The following RAB11FIP5 variants were observed in gnomAD, a reference collection of about 807,000 sequenced individuals.
RAB11FIP5 encodes the protein rab11 family-interacting protein 5.
A neutral mutation model predicts 85.1 loss-of-function variants in RAB11FIP5; 48 were observed. That is an observed-to-expected ratio of 0.56 (90% CI 0.45 to 0.72). The LOEUF (loss-of-function observed/expected upper bound fraction) is 0.72, where lower values mean the gene tolerates loss of function less well. Among genes scored for constraint, RAB11FIP5 ranks in the 30% least tolerant of loss-of-function variants. The pLI, the probability that RAB11FIP5 is intolerant of heterozygous loss-of-function variation, is 0.00. For synonymous variants in RAB11FIP5, 729 were observed against 727.3 expected, an observed-to-expected ratio of 1.00 and a Z score of -0.04; for missense variants, 1,491 against 1,687.0, an observed-to-expected ratio of 0.88 and a Z score of 2.04.
rs372287295 is a variant in RAB11FIP5 at position 73,075,429 on chromosome 2, C to T, written c.*92G>A. On this transcript the variant is annotated 3_prime_UTR_variant, in exon 6 of 6. Transcript: ENST00000486777. The surrounding 1 kb of genome is among the most constrained non-coding windows in gnomAD (Gnocchi z 4.6). ...GCAAGGAGTGACAAGGCAAGACAGA[C>T]GATGCCCCACTGCAGATGAGAGAGT... 3.4e-5 allele frequency: 43 copies of T among 1,281,740 alleles called. No homozygotes were observed. In the Admixed American group the frequency reaches 6.4e-4, roughly 19 times the overall value. The allele number at this position is 1,281,740 out of a possible 1,614,324, so 79.4% of individuals were successfully genotyped here.
chr2:73,097,213 T>C lies in RAB11FIP5; in HGVS notation c.432-7898A>G, dbSNP rs548434878. Among the ~76,000 whole-genome samples, 8 of 152,266 alleles carry C rather than the reference T, an allele frequency of 5.3e-5. No individual in the cohort carries two copies. In the South Asian group the frequency reaches 1.4e-3, roughly 28 times the overall value. ...CCACCCCGCCTGGCTAATTTTGTATTTTTAGTAGAGACGGGGTTTTTCCAT... is the reference window on the plus strand; with the variant it reads ...CCACCCCGCCTGGCTAATTTTGTATCTTTAGTAGAGACGGGGTTTTTCCAT... On this transcript the variant is annotated intron_variant, in intron 1 of 5. Transcript: ENST00000486777.
rs955206356 is a variant in RAB11FIP5, at chr2:73,112,903, T to C, written c.-126A>G. 3.3e-6 allele frequency: 3 copies of C among 907,736 alleles called. No individual in the cohort carries two copies. Among genetic ancestry groups the C allele is most frequent in the East Asian group, 3.5e-5 (1 of 28,488 alleles). The allele number at this position is 907,736 out of a possible 1,614,324, so 56.2% of individuals were successfully genotyped here. ...GCGCCGCCGCAGCTGCGGGCTGGGC[T>C]GGGCCGGGCCGACCGGCCGCCGCCT... On this transcript the variant is annotated 5_prime_UTR_variant, in exon 1 of 6. Transcript: ENST00000486777.
In RAB11FIP5 at chr2:73,075,225, G is replaced by A; in HGVS notation, c.*296C>T. 1 of 672,716 alleles carries A rather than the reference G, an allele frequency of 1.5e-6. No individual in the cohort carries two copies. Among genetic ancestry groups the A allele is most frequent in the Non-Finnish European group, 2.7e-6 (1 of 365,890 alleles). The allele number at this position is 672,716 out of a possible 1,614,324, so 41.7% of individuals were successfully genotyped here. A position where few individuals can be genotyped will look rare whatever the true frequency, so the allele number is the denominator to read the frequency against. Reference sequence around the variant, plus strand: ...TCAAGCTACAGTTCACCCCTGCTCTGTCTTGGGGGAAGAGTTCCAATTCCC... The same window carrying A: ...TCAAGCTACAGTTCACCCCTGCTCTATCTTGGGGGAAGAGTTCCAATTCCC... On this transcript the variant is annotated 3_prime_UTR_variant, in exon 6 of 6. Transcript: ENST00000486777. This position sits in a 1 kb window ranked among gnomAD's most constrained non-coding sequence, Gnocchi z 4.6.
chr2:73,087,858 G>A lies in RAB11FIP5; in HGVS notation c.1568+192C>T, dbSNP rs576001557. On this transcript the variant is annotated intron_variant, in intron 3 of 5. Transcript: ENST00000486777. ...AGGACTCTCAGAGCACTATGCCCTCGTAACTCACCTGTGTCCGTGAGCACA... is the reference window on the plus strand; with the variant it reads ...AGGACTCTCAGAGCACTATGCCCTCATAACTCACCTGTGTCCGTGAGCACA... Among the ~76,000 whole-genome samples, 36 of 152,084 alleles carry A rather than the reference G, an allele frequency of 2.4e-4. 1 individual carries two copies. Among genetic ancestry groups the A allele is most frequent in the Admixed American group, 9.8e-4 (15 of 15,278 alleles).
intron 1 of RAB11FIP5, among the ~76,000 whole-genome samples, chr2:73,090,099 A>C (rs1465181748): frequency 6.6e-6 from 1 of 152,160 alleles, no homozygotes; most frequent in Non-Finnish European, 1.5e-5. Context: ...CCTCCCAAAA[A>C]GCATATGAGG....
rs867898586 is a variant in RAB11FIP5, at chr2:73,112,922, G to A, written c.-145C>T. ...CTGGGCTGGGCCGGGCCGACCGGCC[G>A]CCGCCTCCCCGCCTCACCGGGCCGC... On this transcript the variant is annotated 5_prime_UTR_variant, in exon 1 of 6. Coordinates refer to ENST00000486777, the MANE Select transcript of RAB11FIP5 (RefSeq NM_001371272.1). 2,532 of 674,988 alleles carry A rather than the reference G, an allele frequency of 3.8e-3. 45 individuals are homozygous for A. In the African/African-American group the frequency reaches 0.042, roughly 11 times the overall value. The allele number at this position is 674,988 out of a possible 1,614,324, so 41.8% of individuals were successfully genotyped here.
Position 73,081,095 on chromosome 2 carries a change from T to TCC in RAB11FIP5, c.2136_2137insGG (p.Arg713GlyfsTer35), listed in dbSNP as rs1559232929. 3,684 of 1,229,768 alleles carry TCC rather than the reference T, an allele frequency of 3.0e-3. 77 individuals carry two copies. The African/African-American group carries it at 0.052, about 18-fold the overall frequency. The allele number at this position is 1,229,768 out of a possible 1,614,324, so 76.2% of individuals were successfully genotyped here. The stretch of plus-strand genomic sequence containing the variant: ...TCCAGCCACACGCTGCTCCCACCTC[T>TCC]TCCTCCTCCTCCTCCTCCTCCTCCT... On this transcript the variant is annotated frameshift_variant, in exon 4 of 6. Coordinates refer to ENST00000486777, the MANE Select transcript of RAB11FIP5 (RefSeq NM_001371272.1). LOFTEE classifies it high-confidence loss of function. The surrounding 1 kb of genome is among the most constrained non-coding windows in gnomAD (Gnocchi z 4.2).
intron 1 of RAB11FIP5, among the ~76,000 whole-genome samples, chr2:73,104,118 G>A (rs1160379500): frequency 2.0e-5 from 3 of 152,202 alleles, no homozygotes; most frequent in Non-Finnish European, 4.4e-5. Context: ...AAAACACAAC[G>A]CATTTGCCTT....
Position 73,088,765 on chromosome 2 carries a change from A to G in RAB11FIP5, c.869-16T>C, listed in dbSNP as rs779618955. On this transcript the variant is annotated splice_polypyrimidine_tract_variant and intron_variant, in intron 2 of 5. Coordinates refer to ENST00000486777, the MANE Select transcript of RAB11FIP5 (RefSeq NM_001371272.1). ...GAGTCCCTGCCTGCAGGGGAAACACACAGAGTTAGCTCGCAGGAAGAGAGG... is the reference window on the plus strand; with the variant it reads ...GAGTCCCTGCCTGCAGGGGAAACACGCAGAGTTAGCTCGCAGGAAGAGAGG... 5 of 1,569,910 alleles carry G rather than the reference A, an allele frequency of 3.2e-6. No homozygotes were observed. Among genetic ancestry groups the G allele is most frequent in the Non-Finnish European group, 4.3e-6 (5 of 1,160,538 alleles).
rs2106103177 is a variant in RAB11FIP5, at chr2:73,080,237, C to T, written c.2995G>A (p.Glu999Lys). ...PCLSAPASCP[E>K]GPAPIPCHSK... ...TGACAGGGTATGGGGGCAGGACCCT[C>T]AGGGCAGCTGGCGGGTGCAGACAGG... Residue 999 changes from glutamate (E) to lysine (K), a missense_variant, in exon 4 of 6, where the codon GAG (glutamate) becomes AAG (lysine). Glu to Lys is a moderately conservative substitution (Grantham distance 56). This residue lies in a region of RAB11FIP5 where 1,211 missense variants were observed against 1,338.0 expected (regional missense o/e 0.91). Transcript: ENST00000486777. The T allele has an allele frequency of 1.6e-6, 2 of 1,232,750 alleles. No individual in the cohort carries two copies. The highest frequency in any genetic ancestry group is 3.2e-5 in the East Asian group (1 of 31,692). 76.4% of individuals were successfully genotyped at this position (1,232,750 alleles called of 1,614,324 possible).
At chr2:73,079,524 G>T in intron 4 of RAB11FIP5, 127 bp downstream of exon 4, 1 of 1,147,832 alleles carries the variant, frequency 8.7e-7, no homozygotes, top group Non-Finnish European at 1.1e-6. Context: ...TTGCCTCTGG[G>T]GTAAAAGAGA....
intron 1 of RAB11FIP5, among the ~76,000 whole-genome samples, chr2:73,100,249 T>C (rs138491056): frequency 6.6e-6 from 1 of 152,186 alleles, no homozygotes; most frequent in African/African-American, 2.4e-5. Flanking sequence ...TGCCCCGGAT[T>C]TCTACCGCGG....
In RAB11FIP5 at chr2:73,108,494, C is replaced by T. The variant is rs939215342; in HGVS notation, c.431+3853G>A. On this transcript the variant is annotated intron_variant, in intron 1 of 5. Transcript: ENST00000486777. ...TCCAGGGGGCAAAGACCAGGTCTCC[C>T]CAACCAAAATGGCCTTGTGGCAGAT... Among the ~76,000 whole-genome samples the T allele has an allele frequency of 3.3e-5, 5 of 152,216 alleles. No individual in the cohort carries two copies. In the East Asian group the frequency reaches 9.6e-4, roughly 29 times the overall value.
intron 1 of RAB11FIP5, among the ~76,000 whole-genome samples, chr2:73,101,848 C>T (rs906214195): frequency 6.6e-6 from 1 of 152,200 alleles, no homozygotes; most frequent in Admixed American, 6.5e-5. Context: ...CATGAGTCGG[C>T]GAGATCCCAC....
chr2:73,087,403 T>A (rs1024879886), intron 3 of RAB11FIP5, among the ~76,000 whole-genome samples: 4 of 152,174 alleles, frequency 2.6e-5, no homozygotes, highest in Non-Finnish European at 4.4e-5. Context: ...CACGGTGCCA[T>A]ACCTCAAGAC....
chr2:73,088,731 G>C lies in RAB11FIP5; in HGVS notation c.887C>G (p.Ser296Cys). 1 of 1,604,714 alleles carries C rather than the reference G, an allele frequency of 6.2e-7. No homozygotes were observed. Among genetic ancestry groups the C allele is most frequent in the African/African-American group, 1.3e-5 (1 of 74,916 alleles). ...STEGGRDSAQ[S>C]PKLFTHKRTY... ...CCTCTTATGGGTGAACAGCTTGGGG[G>C]ACTGTGCAGAGTCCCTGCCTGCAGG... is the stretch of plus-strand genomic sequence containing the variant. Residue 296 changes from serine to cysteine, a missense_variant, in exon 3 of 6, where the codon TCC becomes TGC. Physicochemically the swap from Ser to Cys is moderately radical, Grantham distance 112. Coordinates refer to ENST00000486777, the MANE Select transcript of RAB11FIP5 (RefSeq NM_001371272.1).
At chr2:73,090,667 A>G (rs1227713719) in intron 1 of RAB11FIP5, among the ~76,000 whole-genome samples, 1 of 152,270 alleles carries the variant, frequency 6.6e-6, no homozygotes, top group East Asian at 1.9e-4. Context: ...TTGCACGACA[A>G]AACTATTTGA....
chr2:73,112,491 G>T lies in RAB11FIP5; in HGVS notation c.287C>A (p.Ala96Glu). The change falls in exon 1 of 6, where the codon GCG becomes GAG. Residue 96 changes from alanine (A) to glutamate (E), a missense_variant. By Grantham distance (107) the Ala-to-Glu change is moderately radical. Around this residue, in one of 3 missense-constraint regions of RAB11FIP5, gnomAD observed 1,211 missense variants for 1,338.0 expected, o/e 0.91. Transcript: ENST00000486777. The stretch of plus-strand genomic sequence containing the variant: ...GGCGGCGGAGCTCGCGGCCCAGGGC[G>T]CCGGGCCCGCGTCGGCCTCCTGCGC... ...LRAQEADAGP[A>E]PWAASSAAAC... 2 of 1,486,926 alleles carry T rather than the reference G, an allele frequency of 1.3e-6. No individual in the cohort carries two copies. Among genetic ancestry groups the T allele is most frequent in the African/African-American group, 1.5e-5 (1 of 68,570 alleles). 92.1% of individuals were successfully genotyped at this position (1,486,926 alleles called of 1,614,324 possible).
rs745917151 is a variant in RAB11FIP5 at position 73,075,534 on chromosome 2, C to T, written c.3962G>A (p.Gly1321Asp). 7 of 1,614,032 alleles carry T rather than the reference C, an allele frequency of 4.3e-6. No homozygotes were observed. The highest frequency in any genetic ancestry group is 1.7e-5 in the Admixed American group (1 of 60,014). Reference sequence around the variant, plus strand: ...GGGTGAGGAAGGCTATTTGGGGGGGCCCGGGGGGATCTGCAGCAGCGTGGG... The same window carrying T: ...GGGTGAGGAAGGCTATTTGGGGGGGTCCGGGGGGATCTGCAGCAGCGTGGG... ...TSPTLLQIPP[G>D]PPK Residue 1321 changes from glycine to aspartate, a missense_variant, in exon 6 of 6, where the codon GGC becomes GAC. By Grantham distance (94) the Gly-to-Asp change is moderately conservative (BLOSUM62 -1). Transcript: ENST00000486777. The surrounding 1 kb of genome is among the most constrained non-coding windows in gnomAD (Gnocchi z 4.6).
Sources: gnomAD v4.1 joint callset for allele counts (sites outside exome capture counted in the v4.1 genomes callset) on GRCh38, gnomAD v4.1.1 for gene constraint, gnomAD v4.1.1 regional missense constraint, Gnocchi (gnomAD v3.1) non-coding constraint, MANE v1.5 for transcripts, NCBI Gene and HGNC (gene_info 2026-07-23, HGNC 2026-07-21) for gene names.